Variants in RPUSD4 observed in about 807,000 individuals in gnomAD.
RPUSD4 encodes pseudouridylate synthase RPUSD4, mitochondrial.
Under a neutral mutation model 35.4 loss-of-function variants are expected in RPUSD4, and 37 were observed. That is an observed-to-expected ratio of 1.04 (90% CI 0.80 to 1.37). The LOEUF is 1.37. RPUSD4 is among the 40% of genes most tolerant of loss of function. The pLI is 0.00. For missense variants in RPUSD4, 507 were observed against 484.9 expected (o/e 1.05, Z -0.43); for synonymous variants, 210 against 192.7 (o/e 1.09, Z -0.74).
intron 2 of RPUSD4, among the ~76,000 whole-genome samples, chr11:126,210,457 A>G (rs602735): frequency 0.23 from 35,284 of 151,878 alleles, 4,396 homozygotes; most frequent in Non-Finnish European, 0.28. Context: ...GTTGAAAGAC[A>G]TTTGAAGGTC....
chr11:126,203,583 G>A lies in RPUSD4; in HGVS notation c.969C>T (p.His323=), dbSNP rs370502612. 74 of 1,614,114 alleles carry A rather than the reference G, an allele frequency of 4.6e-5. No individual in the cohort carries two copies. The highest frequency in any genetic ancestry group is 1.9e-4 in the African/African-American group (14 of 74,940). Residue 323 remains histidine (H), a synonymous_variant, in exon 7 of 7, where the codon CAC becomes CAT. Coordinates refer to ENST00000298317, the MANE Select transcript of RPUSD4 (RefSeq NM_032795.3). ...SKARYIPLHL[H]ARQLILPALG... ...GGGCAGGCAGGATCAGCTGCCGGGC[G>A]TGCAGGTGAAGGGGGATGTAGCGGG...
Position 126,210,892 on chromosome 11 carries a change from T to G in RPUSD4, c.353A>C (p.His118Pro). ...VINKPYGLPVHGGPGVQLCIT... is the reference protein window; with the variant it reads ...VINKPYGLPVPGGPGVQLCIT... ...CACCTTTCCCGCGTGGTCCTTACCA[T>G]GCACAGGGAGACCGTAGGGCTTATT... The change falls in exon 2 of 7, where the codon CAT (histidine) becomes CCT (proline). Residue 118 changes from histidine (H) to proline (P), a missense_variant and splice_region_variant. By Grantham distance (77) the His-to-Pro change is moderately conservative (BLOSUM62 -2). Coordinates refer to ENST00000298317, the MANE Select transcript of RPUSD4 (RefSeq NM_032795.3). 6.2e-7 allele frequency: 1 copy of G among 1,613,926 alleles called. No individual in the cohort carries two copies. Among genetic ancestry groups the G allele is most frequent in the Non-Finnish European group, 8.5e-7 (1 of 1,179,886 alleles).
rs6590196 is a variant in RPUSD4 at position 126,210,667 on chromosome 11, C to T, written c.355+223G>A. 7.6e-3 allele frequency among the ~76,000 whole-genome samples: 1,155 copies of T among 151,828 alleles called. 9 individuals are homozygous for T. Among genetic ancestry groups the T allele is most frequent in the African/African-American group, 0.025 (1,036 of 41,404 alleles). On this transcript the variant is annotated intron_variant, in intron 2 of 6. Coordinates refer to ENST00000298317, the MANE Select transcript of RPUSD4 (RefSeq NM_032795.3). ...AGCGATCCCTGTAGTCTGCACACAGCGTATTCTACGAATTGCTTACTGTCA... is the reference window on the plus strand; with the variant it reads ...AGCGATCCCTGTAGTCTGCACACAGTGTATTCTACGAATTGCTTACTGTCA...
chr11:126,203,337 G>A lies in RPUSD4; in HGVS notation c.*81C>T. On this transcript the variant is annotated 3_prime_UTR_variant, in exon 7 of 7. Transcript: ENST00000298317. ...GTCCTGTAAACAAAGAACAGTTCAG[G>A]GGCCAACCTGCGCTCCCAGGTGCCA... 3 of 1,566,108 alleles carry A rather than the reference G, an allele frequency of 1.9e-6. No homozygotes were observed. The highest frequency in any genetic ancestry group is 1.7e-5 in the Admixed American group (1 of 58,548).
rs750642546 is a variant in RPUSD4, at chr11:126,211,436, C to T, written c.189+14G>A. ...CGCACTGCCTCTAGGGAGTTCTGGT[C>T]CCTTTGGACTCACCGGCTCCTTCTT... On this transcript the variant is annotated intron_variant, in intron 1 of 6. Transcript: ENST00000298317. 23 of 1,605,516 alleles carry T rather than the reference C, an allele frequency of 1.4e-5. No individual in the cohort carries two copies. Among genetic ancestry groups the T allele is most frequent in the Non-Finnish European group, 1.7e-5 (20 of 1,175,732 alleles).
In RPUSD4 at chr11:126,203,166, G is replaced by A. The variant is rs1005618121; in HGVS notation, c.*252C>T. 4.3e-6 allele frequency: 2 copies of A among 461,164 alleles called. No homozygotes were observed. Among genetic ancestry groups the A allele is most frequent in the Admixed American group, 3.6e-5 (1 of 27,652 alleles). The allele number at this position is 461,164 out of a possible 1,614,324, so 28.6% of individuals were successfully genotyped here. On this transcript the variant is annotated 3_prime_UTR_variant, in exon 7 of 7. Transcript: ENST00000298317. Reference sequence around the variant, plus strand: ...ATTGGCAATGAGAGCCCACGGCAGGGAGACTTCCAGCAGGCTTTTCCACAG... The same window carrying A: ...ATTGGCAATGAGAGCCCACGGCAGGAAGACTTCCAGCAGGCTTTTCCACAG...
intron 3 of RPUSD4, chr11:126,206,323 G>C (rs951838193): frequency 6.6e-6 from 1 of 152,022 alleles, no homozygotes. Flanking sequence ...AGGCCAAGGC[G>C]GGTGGATCAC....
chr11:126,203,774 A>T, intron 6 of RPUSD4, 117 bp from the exon 7 acceptor site: 8 of 1,279,290 alleles, frequency 6.3e-6, no homozygotes, highest in Non-Finnish European at 7.4e-6. Flanking sequence ...TGGAAGACAC[A>T]GTAATGGAGA....
chr11:126,210,320 G>GT (rs1949833152), intron 2 of RPUSD4, among the ~76,000 whole-genome samples: 1 of 152,070 alleles, frequency 6.6e-6, no homozygotes, highest in Non-Finnish European at 1.5e-5. Context: ...AACTATCTCC[G>GT]TATCTCCCCA....
rs374562314 is a variant in RPUSD4 at position 126,204,225 on chromosome 11, T to G, written c.894+6A>C. Reference sequence around the variant, plus strand: ...TCTGCTGCACATTGGGTCAAATTAGTATTACCTGGGGGGCCAACCTATTCC... The same window carrying G: ...TCTGCTGCACATTGGGTCAAATTAGGATTACCTGGGGGGCCAACCTATTCC... On this transcript the variant is annotated splice_donor_region_variant and intron_variant, in intron 6 of 6. Coordinates refer to ENST00000298317, the MANE Select transcript of RPUSD4 (RefSeq NM_032795.3). 1.9e-6 allele frequency: 3 copies of G among 1,602,058 alleles called. No homozygotes were observed. The highest frequency in any genetic ancestry group is 2.7e-5 in the African/African-American group (2 of 74,630).
At chr11:126,210,550 C>CACACACACA (rs3220746) in intron 2 of RPUSD4, among the ~76,000 whole-genome samples, 3 of 144,630 alleles carry the variant, frequency 2.1e-5, no homozygotes, top group Admixed American at 6.8e-5. Flanking sequence ...CACACACACA[C>CACACACACA]CCCCTTTTTT....
At chr11:126,203,929 T>C (rs612592) in intron 6 of RPUSD4, among the ~76,000 whole-genome samples, 27,623 of 151,960 alleles carry the variant, frequency 0.18, 2,646 homozygotes, top group South Asian at 0.22. Flanking sequence ...TTCCCTGCGG[T>C]TTTTTAGTAG....
rs962445334 is a variant in RPUSD4 at position 126,203,179 on chromosome 11, G to A, written c.*239C>T. On this transcript the variant is annotated 3_prime_UTR_variant, in exon 7 of 7. Coordinates refer to ENST00000298317, the MANE Select transcript of RPUSD4 (RefSeq NM_032795.3). ...GCCCACGGCAGGGAGACTTCCAGCA[G>A]GCTTTTCCACAGTGCAGCCAAACTA... 168 of 500,876 alleles carry A rather than the reference G, an allele frequency of 3.4e-4. No individual in the cohort carries two copies. The highest frequency in any genetic ancestry group is 2.3e-3 in the Middle Eastern group (4 of 1,738). The allele number at this position is 500,876 out of a possible 1,614,324, so 31.0% of individuals were successfully genotyped here. A position where few individuals can be genotyped will look rare whatever the true frequency, so the allele number is the denominator to read the frequency against.
intron 3 of RPUSD4, 142 bp from the exon 4 acceptor site, chr11:126,205,923 G>T (rs1476352312): frequency 3.4e-6 from 2 of 595,392 alleles, no homozygotes; most frequent in African/African-American, 1.9e-5. Context: ...GATTCTCTTG[G>T]TGTAATGCTT....
rs1949869084 is a variant in RPUSD4 at position 126,211,524 on chromosome 11, T to C, written c.115A>G (p.Thr39Ala). ...GCTAATCTCTGGGCATTTATGGCCG[T>C]AGAGGCAGCGGCAGCGGCACAAAAT... The part of the protein sequence containing the change: ...KPFCAAAAAS[T>A]AINAQRLAEK... The change falls in exon 1 of 7, where the codon ACG (threonine) becomes GCG (alanine). Residue 39 changes from threonine (T) to alanine (A), a missense_variant. Transcript: ENST00000298317. 1 of 1,614,020 alleles carries C rather than the reference T, an allele frequency of 6.2e-7. No individual in the cohort carries two copies. Among genetic ancestry groups the C allele is most frequent in the Non-Finnish European group, 8.5e-7 (1 of 1,180,016 alleles).
chr11:126,206,951 G>A (rs1949780353), intron 3 of RPUSD4, among the ~76,000 whole-genome samples: 1 of 152,152 alleles, frequency 6.6e-6, no homozygotes, highest in Non-Finnish European at 1.5e-5. Flanking sequence ...CCAACTGATT[G>A]ATTTCAATTC....
chr11:126,203,429 C>G lies in RPUSD4; in HGVS notation c.1123G>C (p.Gly375Arg). 1 of 1,613,166 alleles carries G rather than the reference C, an allele frequency of 6.2e-7. No homozygotes were observed. Among genetic ancestry groups the G allele is most frequent in the Non-Finnish European group, 8.5e-7 (1 of 1,180,006 alleles). Residue 375 changes from glycine to arginine, a missense_variant, in exon 7 of 7, where the codon GGA (glycine) becomes CGA (arginine). Transcript: ENST00000298317. ...QNENNEAKCL[G>R]AQ ...TGCTCCCATGGTCTTCACTGTGCTC[C>G]CAGACACTTGGCTTCATTGTTCTCA... is the stretch of plus-strand genomic sequence containing the variant.
rs574615517 is a variant in RPUSD4, at chr11:126,205,741, C to T, written c.598G>A (p.Val200Met). Residue 200 changes from valine to methionine, a missense_variant, in exon 4 of 7, where the codon GTG becomes ATG. By Grantham distance (21) the Val-to-Met change is conservative. Transcript: ENST00000298317. ...VHVPMPSAGV[V>M]DIPIVEKEAQ... ...TCCTTCTCCACAATGGGGATGTCCACGACTCCTGCTGAGGGCATGGGGACA... is the reference window on the plus strand; with the variant it reads ...TCCTTCTCCACAATGGGGATGTCCATGACTCCTGCTGAGGGCATGGGGACA... The T allele has an allele frequency of 3.3e-5, 53 of 1,612,792 alleles. No individual in the cohort carries two copies. The highest frequency in any genetic ancestry group is 4.4e-5 in the South Asian group (4 of 90,876).
At chr11:126,210,665 A>G (rs965215617) in intron 2 of RPUSD4, among the ~76,000 whole-genome samples, 6 of 151,936 alleles carry the variant, frequency 3.9e-5, no homozygotes, top group African/African-American at 1.4e-4. Flanking sequence ...GTCTGCACAC[A>G]GCGTATTCTA....
Sources: allele counts gnomAD v4.1 joint callset (sites outside exome capture counted in the v4.1 genomes callset), GRCh38; gene constraint gnomAD v4.1.1; transcripts MANE v1.5; gene names NCBI Gene and HGNC (gene_info 2026-07-23, HGNC 2026-07-21).